TENM2: variants seen among roughly 807,000 people sequenced by gnomAD.
TENM2 encodes the protein teneurin-2.
A neutral mutation model predicts 245.2 loss-of-function variants in TENM2; 52 were observed. The ratio of observed to expected loss-of-function variants is 0.21; its 90% CI spans 0.17 to 0.27. The LOEUF is 0.27. TENM2 is among the 10% of genes least tolerant of loss of function. The probability of loss-of-function intolerance (pLI) is 1.00; values close to 1 mark genes in which losing one functional copy is unlikely to be tolerated. For synonymous variants in TENM2, 1,363 were observed against 1,438.9 expected (o/e 0.95, Z 1.19); for missense variants, 3,046 against 3,666.8 (o/e 0.83, Z 4.37).
intron 2 of TENM2, among the ~76,000 whole-genome samples, chr5:167,440,846 G>C (rs1241104943): frequency 7.0e-6 from 1 of 143,446 alleles, no homozygotes; most frequent in Non-Finnish European, 1.5e-5. Context: ...AGGAGCCCAA[G>C]TAAGTCAACA....
intron 2 of TENM2, among the ~76,000 whole-genome samples, chr5:167,432,517 A>G (rs1299521999): frequency 6.6e-6 from 1 of 151,748 alleles, no homozygotes; most frequent in African/African-American, 2.4e-5. Flanking sequence ...AAGCTGTTGG[A>G]ACGCTTATTT....
At chr5:167,274,569 T>TTTTC in the TENM2 span, among the ~76,000 whole-genome samples, 1 of 150,914 alleles carries the variant, frequency 6.6e-6, no homozygotes, top group South Asian at 2.1e-4. Flanking sequence ...TTAATTTTTC[T>TTTTC]TTTCTTTCTT....
At chr5:167,413,693 C>A (rs998695361) in intron 2 of TENM2, among the ~76,000 whole-genome samples, 2 of 152,054 alleles carry the variant, frequency 1.3e-5, no homozygotes, top group Non-Finnish European at 2.9e-5. Context: ...AGATTTACAG[C>A]CAGGCTGAGT....
the TENM2 span, among the ~76,000 whole-genome samples, chr5:167,182,662 C>CT: frequency 3.3e-5 from 5 of 151,938 alleles, no homozygotes; most frequent in South Asian, 2.1e-4. Flanking sequence ...AGAGAAGTAA[C>CT]TTTTTTATTT....
exon 17 of TENM2, chr5:168,200,058 C>G: frequency 6.2e-7 from 1 of 1,613,980 alleles, no homozygotes; most frequent in Non-Finnish European, 8.5e-7. Flanking sequence ...CTTCTCCCAA[C>G]CTGGCCTACA....
chr5:167,488,611 G>A (rs1215571939), intron 2 of TENM2, among the ~76,000 whole-genome samples: 1 of 151,958 alleles, frequency 6.6e-6, no homozygotes, highest in South Asian at 2.1e-4. Context: ...AGCTCACCAA[G>A]TCTCACTCTT....
At position 167,897,397 on chromosome 5, in the gene TENM2, A is replaced by T. The variant is rs60437147; in HGVS notation, c.712+21202A>T. Among the ~76,000 whole-genome samples the T allele has an allele frequency of 2.7e-3, 417 of 152,318 alleles. 3 individuals carry two copies. The highest frequency in any genetic ancestry group is 9.7e-3 in the African/African-American group (403 of 41,564). The stretch of plus-strand genomic sequence containing the variant: ...TGGTAAACTTTTCTTTTTGGCACAA[A>T]AACAATATTAGCTAAAGAGCTGGTT... On this transcript the variant is annotated intron_variant, in intron 3 of 28. Coordinates refer to ENST00000518659, the Ensembl canonical transcript of TENM2.
At chr5:167,632,768 T>C (rs1778959706) in intron 2 of TENM2, among the ~76,000 whole-genome samples, 2 of 152,144 alleles carry the variant, frequency 1.3e-5, no homozygotes, top group Admixed American at 1.3e-4. Flanking sequence ...TATGTAGCTA[T>C]TTTTATTCAA....
In TENM2 at chr5:167,889,821, C is replaced by G. The variant is rs190437611; in HGVS notation, c.712+13626C>G. The stretch of plus-strand genomic sequence containing the variant: ...CTGATTTCTTTTGCTAACCTGCGTG[C>G]CTTCTCGTGAAGACTAAAAACTGGT... On this transcript the variant is annotated intron_variant, in intron 3 of 28. Transcript: ENST00000518659. Among the ~76,000 whole-genome samples, 361 of 152,170 alleles carry G rather than the reference C, an allele frequency of 2.4e-3. 1 individual carries two copies. Among genetic ancestry groups the G allele is most frequent in the Non-Finnish European group, 4.2e-3 (285 of 67,978 alleles).
intron 2 of TENM2, among the ~76,000 whole-genome samples, chr5:167,667,100 T>C (rs1755627997): frequency 6.6e-6 from 1 of 152,216 alleles, no homozygotes; most frequent in Admixed American, 6.5e-5. Context: ...AAAAATTCTT[T>C]GGTGGAGAAG....
At chr5:167,568,772 A>G (rs1411957115) in intron 2 of TENM2, among the ~76,000 whole-genome samples, 4 of 152,086 alleles carry the variant, frequency 2.6e-5, no homozygotes, top group African/African-American at 7.2e-5. Context: ...GAAAAACATC[A>G]CATAGGTTGA....
the TENM2 span, among the ~76,000 whole-genome samples, chr5:167,261,960 A>G: frequency 6.6e-6 from 1 of 152,158 alleles, no homozygotes; most frequent in South Asian, 2.1e-4. Context: ...ACCAGGCTCC[A>G]AGGCTCATGA....
At chr5:167,422,344 C>T (rs1763561398) in intron 2 of TENM2, among the ~76,000 whole-genome samples, 1 of 152,158 alleles carries the variant, frequency 6.6e-6, no homozygotes, top group Non-Finnish European at 1.5e-5. Context: ...CTCATTTTCT[C>T]CAATCAGCAT....
intron 4 of TENM2, among the ~76,000 whole-genome samples, chr5:167,977,038 C>T (rs1178924204): frequency 1.3e-5 from 2 of 152,104 alleles, no homozygotes; most frequent in Non-Finnish European, 2.9e-5. Flanking sequence ...AGCTAGAGAC[C>T]ATTATCCTTA....
chr5:167,934,216 C>T (rs773632699), intron 3 of TENM2, among the ~76,000 whole-genome samples: 3 of 152,208 alleles, frequency 2.0e-5, no homozygotes, highest in Non-Finnish European at 4.4e-5. Context: ...CATAATATTA[C>T]ATCAGATCCT....
chr5:168,204,403 G>C (rs917147037), exon 19 of TENM2: 1 of 1,613,934 alleles, frequency 6.2e-7, no homozygotes, highest in East Asian at 2.2e-5. Context: ...GGGAAAACCA[G>C]TTCCTGACCC....
chr5:167,509,844 A>C (rs575476214), intron 2 of TENM2, among the ~76,000 whole-genome samples: 5 of 152,308 alleles, frequency 3.3e-5, no homozygotes, highest in Middle Eastern at 3.4e-3. Context: ...GTTTAAAAGC[A>C]ATTAAGTGGC....
chr5:168,127,081 A>C, intron 12 of TENM2, 115 bp downstream of exon 14: 17 of 880,682 alleles, frequency 1.9e-5, no homozygotes, highest in East Asian at 2.7e-5. Context: ...GCCCCTCCAA[A>C]TCTCCCAGGG....
At chr5:167,218,536 C>G in the TENM2 span, among the ~76,000 whole-genome samples, 1 of 152,008 alleles carries the variant, frequency 6.6e-6, no homozygotes, top group Non-Finnish European at 1.5e-5. Context: ...AAAAGGATCC[C>G]CTCTCTCCAA....
Sources: gnomAD v4.1 joint callset for allele counts (sites outside exome capture counted in the v4.1 genomes callset) on GRCh38, gnomAD v4.1.1 for gene constraint, MANE v1.5 for transcripts, NCBI Gene and HGNC (gene_info 2026-07-23, HGNC 2026-07-21) for gene names.